The following ROBO1 variants were observed in gnomAD, a reference collection of about 807,000 sequenced individuals.
The protein encoded by ROBO1 is roundabout guidance receptor 1.
In ROBO1, 149 loss-of-function variants were observed where a neutral mutation model predicts 195.9. The ratio of observed to expected loss-of-function variants is 0.76; its 90% CI spans 0.67 to 0.87. The LOEUF (loss-of-function observed/expected upper bound fraction) is 0.87, where lower values mean the gene tolerates loss of function less well. ROBO1 is among the 40% of genes least tolerant of loss of function. ROBO1 has a pLI of 0.00. For synonymous variants in ROBO1, 816 were observed against 733.2 expected (o/e 1.11, Z -1.82); for missense variants, 1,933 against 2,068.3 (o/e 0.93, Z 1.27).
chr3:79,409,407 G>T (rs2037678949), intron 2 of ROBO1, among the ~76,000 whole-genome samples: 1 of 152,014 alleles, frequency 6.6e-6, no homozygotes, highest in East Asian at 1.9e-4. Context: ...TTTTATTACT[G>T]CTATTTTAAT....
At chr3:79,542,366 TTCCAG>T (rs1942103878) in intron 2 of ROBO1, among the ~76,000 whole-genome samples, 1 of 152,070 alleles carries the variant, frequency 6.6e-6, no homozygotes, top group African/African-American at 2.4e-5. Context: ...TAATATGTTT[TTCCAG>T]GTTGTAAAAT....
In ROBO1 at chr3:78,877,057, G is replaced by A. The variant is rs78374573; in HGVS notation, c.499+61544C>T. On this transcript the variant is annotated intron_variant, in intron 4 of 30. Transcript: ENST00000464233. Reference sequence around the variant, plus strand: ...AGAAGTATTATCGCTGCTAGATCCAGCGACCTACAACAGGGCCTGACATGT... The same window carrying A: ...AGAAGTATTATCGCTGCTAGATCCAACGACCTACAACAGGGCCTGACATGT... Among the ~76,000 whole-genome samples the A allele has an allele frequency of 5.4e-3, 828 of 152,176 alleles. 8 individuals are homozygous for A. The highest frequency in any genetic ancestry group is 0.019 in the African/African-American group (787 of 41,530).
chr3:79,039,751 G>A (rs908377102), intron 3 of ROBO1, among the ~76,000 whole-genome samples: 4 of 118,572 alleles, frequency 3.4e-5, no homozygotes, highest in Non-Finnish European at 4.8e-5. Context: ...CAGGTGACCC[G>A]AGATCGCGCC....
intron 1 of ROBO1, among the ~76,000 whole-genome samples, chr3:79,689,051 T>C (rs964443510): frequency 6.6e-6 from 1 of 152,012 alleles, no homozygotes; most frequent in Non-Finnish European, 1.5e-5. Flanking sequence ...TTCCCCATTA[T>C]ATCTTTAACT....
chr3:79,063,751 T>G (rs970780494), intron 3 of ROBO1, among the ~76,000 whole-genome samples: 1 of 151,898 alleles, frequency 6.6e-6, no homozygotes, highest in African/African-American at 2.4e-5. Context: ...GTTATTAAAC[T>G]ATTTGTATCC....
chr3:78,899,771 C>T (rs139337578), intron 4 of ROBO1, among the ~76,000 whole-genome samples: 14 of 152,006 alleles, frequency 9.2e-5, no homozygotes, highest in East Asian at 5.8e-4. Flanking sequence ...TACAAAACGG[C>T]GATGGTTTTC....
chr3:78,674,189 G>C lies in ROBO1; in HGVS notation c.1343-3888C>G, dbSNP rs1575898860. 2.0e-5 allele frequency among the ~76,000 whole-genome samples: 3 copies of C among 152,250 alleles called. No individual in the cohort carries two copies. In the East Asian group the frequency reaches 5.8e-4, roughly 29 times the overall value. ...AAGAAAGATGTTCAGTTAAATAGAAGACATGAATTTGTATGTTTCTAAGTC... is the reference window on the plus strand; with the variant it reads ...AAGAAAGATGTTCAGTTAAATAGAACACATGAATTTGTATGTTTCTAAGTC... On this transcript the variant is annotated intron_variant, in intron 10 of 30. Coordinates refer to ENST00000464233, the MANE Select transcript of ROBO1 (RefSeq NM_002941.4).
intron 3 of ROBO1, among the ~76,000 whole-genome samples, chr3:78,997,219 C>T (rs114506468): frequency 0.054 from 8,202 of 152,194 alleles, 301 homozygotes; most frequent in Middle Eastern, 0.14. Context: ...GAATAAGCAT[C>T]GCACATTTTT....
At chr3:79,721,474 A>T (rs540464226) in intron 1 of ROBO1, among the ~76,000 whole-genome samples, 1 of 152,302 alleles carries the variant, frequency 6.6e-6, no homozygotes, top group East Asian at 1.9e-4. Flanking sequence ...AAATAGGAGG[A>T]AACTGTCAAA....
intron 3 of ROBO1, among the ~76,000 whole-genome samples, chr3:78,968,561 C>A (rs1018243821): frequency 6.6e-6 from 1 of 150,738 alleles, no homozygotes; most frequent in Non-Finnish European, 1.5e-5. Flanking sequence ...TACAGATATT[C>A]TTAAATAAAA....
chr3:78,991,179 T>C (rs1232878027), intron 3 of ROBO1, among the ~76,000 whole-genome samples: 1 of 152,080 alleles, frequency 6.6e-6, no homozygotes, highest in Non-Finnish European at 1.5e-5. Context: ...GAAATAAATG[T>C]GCAAAGGTAC....
chr3:79,491,323 T>C (rs1409955800), intron 2 of ROBO1, among the ~76,000 whole-genome samples: 1 of 152,148 alleles, frequency 6.6e-6, no homozygotes, highest in Non-Finnish European at 1.5e-5. Context: ...GCTGCTTTAA[T>C]TGATTACTCC....
chr3:78,757,243 C>A (rs1422811692), intron 4 of ROBO1, among the ~76,000 whole-genome samples: 1 of 152,242 alleles, frequency 6.6e-6, no homozygotes, highest in South Asian at 2.1e-4. Context: ...CACTCCCACT[C>A]GCAATTGCAA....
At chr3:78,869,760 G>T (rs533170494) in intron 4 of ROBO1, among the ~76,000 whole-genome samples, 2 of 152,008 alleles carry the variant, frequency 1.3e-5, no homozygotes, top group Non-Finnish European at 2.9e-5. Context: ...CCCCTGGCCT[G>T]GCATATTTAT....
chr3:78,953,087 A>C (rs947166452), intron 3 of ROBO1, among the ~76,000 whole-genome samples: 1 of 152,074 alleles, frequency 6.6e-6, no homozygotes, highest in Non-Finnish European at 1.5e-5. Context: ...TACATTTTAG[A>C]AAGAATTTTG....
chr3:78,600,178 T>C lies in ROBO1; in HGVS notation c.4876A>G (p.Asn1626Asp). 1 of 1,613,550 alleles carries C rather than the reference T, an allele frequency of 6.2e-7. No individual in the cohort carries two copies. Among genetic ancestry groups the C allele is most frequent in the Non-Finnish European group, 8.5e-7 (1 of 1,179,618 alleles). ...QREQANVGRRNIAEMQVLGGY... is the reference protein window; with the variant it reads ...QREQANVGRRDIAEMQVLGGY... ...CCAAGTACCTGCATTTCTGCAATAT[T>C]TCTTCGACCTACATTTGCTTGTTCT... Residue 1626 changes from asparagine (N) to aspartate (D), a missense_variant, in exon 30 of 31, where the codon AAT becomes GAT. Physicochemically the swap from Asn to Asp is conservative, Grantham distance 23. This residue lies in a region of ROBO1 where 1,737 missense variants were observed against 1,882.5 expected (regional missense o/e 0.92). Transcript: ENST00000464233.
chr3:79,381,355 CAAAAAAAAAAAA>C (rs61680946), intron 2 of ROBO1, among the ~76,000 whole-genome samples: 2 of 60,712 alleles, frequency 3.3e-5, no homozygotes, highest in African/African-American at 1.4e-4. Context: ...AACTCCGTCT[CAAAAAAAAAAAA>C]AAAAAAAAAA....
intron 8 of ROBO1, among the ~76,000 whole-genome samples, chr3:78,691,713 C>A (rs1291307819): frequency 6.6e-6 from 1 of 152,136 alleles, no homozygotes; most frequent in East Asian, 1.9e-4. Context: ...TCATTAACAG[C>A]ATACAAATGG....
At chr3:79,373,276 A>G (rs1324285668) in intron 2 of ROBO1, among the ~76,000 whole-genome samples, 3 of 151,646 alleles carry the variant, frequency 2.0e-5, no homozygotes, top group Non-Finnish European at 4.4e-5. Flanking sequence ...AATATGTAAA[A>G]CACGTTTTTT....
Sources: allele counts gnomAD v4.1 joint callset (sites outside exome capture counted in the v4.1 genomes callset), GRCh38; gene constraint gnomAD v4.1.1; regional missense constraint gnomAD v4.1.1; transcripts MANE v1.5; gene names NCBI Gene and HGNC (gene_info 2026-07-23, HGNC 2026-07-21).